CNTNAP2: variants seen among roughly 807,000 people sequenced by gnomAD.
The protein encoded by CNTNAP2 is contactin associated protein 2.
A neutral mutation model predicts 155.2 loss-of-function variants in CNTNAP2; 98 were observed. The observed-to-expected ratio is 0.63, with a 90% confidence interval of 0.54 to 0.75. The LOEUF (loss-of-function observed/expected upper bound fraction) is 0.75. Among genes scored for constraint, CNTNAP2 ranks in the 30% least tolerant of loss-of-function variants. The pLI is 0.00. For missense variants in CNTNAP2, 1,727 were observed against 1,688.1 expected (o/e 1.02, Z -0.40); for synonymous variants, 651 against 631.2 (o/e 1.03, Z -0.47).
chr7:147,425,538 A>G (rs186789597), intron 10 of CNTNAP2, among the ~76,000 whole-genome samples: 1 of 152,190 alleles, frequency 6.6e-6, no homozygotes, highest in African/African-American at 2.4e-5. Flanking sequence ...TCCCTGATCT[A>G]GCATCCAGCC....
chr7:147,648,609 CAA>C (rs1795404214), intron 13 of CNTNAP2, among the ~76,000 whole-genome samples: 1 of 152,148 alleles, frequency 6.6e-6, no homozygotes, highest in African/African-American at 2.4e-5. Flanking sequence ...TGGCGGCAGA[CAA>C]GAGAGCTTGC....
chr7:147,910,174 C>A (rs1252189432), intron 14 of CNTNAP2, among the ~76,000 whole-genome samples: 5 of 152,020 alleles, frequency 3.3e-5, no homozygotes, highest in Non-Finnish European at 7.4e-5. Flanking sequence ...AATTTTTTGT[C>A]CTTGTTTATA....
chr7:146,829,034 C>T (rs1803460882), intron 2 of CNTNAP2, among the ~76,000 whole-genome samples: 1 of 151,978 alleles, frequency 6.6e-6, no homozygotes, highest in Non-Finnish European at 1.5e-5. Context: ...TTTCATTTTT[C>T]TTGTCTCTTA....
chr7:146,736,674 T>G (rs2129180379), intron 1 of CNTNAP2, among the ~76,000 whole-genome samples: 1 of 152,304 alleles, frequency 6.6e-6, no homozygotes, highest in South Asian at 2.1e-4. Context: ...TCCCAGGAAA[T>G]ACTGAAGTGC....
intron 3 of CNTNAP2, among the ~76,000 whole-genome samples, chr7:146,858,461 A>G (rs1035435368): frequency 3.9e-5 from 6 of 152,374 alleles, no homozygotes; most frequent in Admixed American, 1.3e-4. Flanking sequence ...TGGGAGGCCA[A>G]GGCGAGAGGA....
At chr7:147,771,587 G>T (rs1250970453) in intron 13 of CNTNAP2, among the ~76,000 whole-genome samples, 2 of 152,142 alleles carry the variant, frequency 1.3e-5, no homozygotes, top group Non-Finnish European at 2.9e-5. Context: ...GGCCACAGGG[G>T]CATTGTACAT....
chr7:148,308,480 A>G (rs1005534174), intron 21 of CNTNAP2, among the ~76,000 whole-genome samples: 1 of 152,028 alleles, frequency 6.6e-6, no homozygotes, highest in Non-Finnish European at 1.5e-5. Flanking sequence ...TAAAAAGTAG[A>G]TCCAATTTTA....
intron 10 of CNTNAP2, among the ~76,000 whole-genome samples, chr7:147,426,367 C>A (rs1158376822): frequency 6.6e-6 from 1 of 151,912 alleles, no homozygotes; most frequent in Non-Finnish European, 1.5e-5. Flanking sequence ...TCATGGATAT[C>A]CAGAACATTT....
chr7:146,904,690 CTCGATCT>C (rs1453963470), intron 3 of CNTNAP2, among the ~76,000 whole-genome samples: 1 of 152,098 alleles, frequency 6.6e-6, no homozygotes, highest in African/African-American at 2.4e-5. Flanking sequence ...CCAGGATGGT[CTCGATCT>C]CCTGACCTCG....
At chr7:147,313,248 C>G (rs1046262135) in intron 9 of CNTNAP2, among the ~76,000 whole-genome samples, 7 of 152,060 alleles carry the variant, frequency 4.6e-5, no homozygotes, top group South Asian at 2.1e-4. Flanking sequence ...TTTTGCTGTG[C>G]AGAAGCTCTT....
intron 9 of CNTNAP2, among the ~76,000 whole-genome samples, chr7:147,381,313 C>A (rs192120803): frequency 5.6e-4 from 85 of 152,148 alleles, no homozygotes; most frequent in African/African-American, 2.0e-3. Flanking sequence ...TTCTGCAGCC[C>A]AAGCTTCCAA....
intron 13 of CNTNAP2, among the ~76,000 whole-genome samples, chr7:147,705,391 A>C (rs910616812): frequency 4.6e-5 from 7 of 152,022 alleles, no homozygotes; most frequent in African/African-American, 1.7e-4. Context: ...TTCTAGTTTT[A>C]TTCCATTGTG....
chr7:148,231,804 T>C (rs1795967012), intron 20 of CNTNAP2, among the ~76,000 whole-genome samples: 1 of 152,106 alleles, frequency 6.6e-6, no homozygotes, highest in South Asian at 2.1e-4. Flanking sequence ...AGACCCATAG[T>C]CCCTAATCAC....
intron 15 of CNTNAP2, among the ~76,000 whole-genome samples, chr7:148,090,991 T>A (rs1803829221): frequency 6.6e-6 from 1 of 152,084 alleles, no homozygotes; most frequent in Non-Finnish European, 1.5e-5. Context: ...TATCCTATGA[T>A]CCCACTTACA....
chr7:146,890,058 G>A (rs1310711992), intron 3 of CNTNAP2, among the ~76,000 whole-genome samples: 2 of 152,118 alleles, frequency 1.3e-5, no homozygotes, highest in Admixed American at 1.3e-4. Context: ...AACTGAGACA[G>A]AGATCCAAGC....
intron 16 of CNTNAP2, among the ~76,000 whole-genome samples, chr7:148,136,912 A>T (rs1170028447): frequency 6.6e-6 from 1 of 152,220 alleles, no homozygotes; most frequent in African/African-American, 2.4e-5. Context: ...CTATACAAGA[A>T]AGTTATATTT....
In CNTNAP2 at chr7:147,303,287, C is replaced by A. The variant is rs571519497; in HGVS notation, c.1498+2997C>A. Among the ~76,000 whole-genome samples, 534 of 152,284 alleles carry A rather than the reference C, an allele frequency of 3.5e-3. 1 individual carries two copies. Among genetic ancestry groups the A allele is most frequent in the Non-Finnish European group, 4.5e-3 (308 of 68,028 alleles). On this transcript the variant is annotated intron_variant, in intron 9 of 23. Coordinates refer to ENST00000361727, the MANE Select transcript of CNTNAP2 (RefSeq NM_014141.6). Reference sequence around the variant, plus strand: ...AGACCACTGATTTCACCAAAGAAAACCCAGTTTGGCATTCAGTTCATTAGA... The same window carrying A: ...AGACCACTGATTTCACCAAAGAAAAACCAGTTTGGCATTCAGTTCATTAGA...
intron 17 of CNTNAP2, among the ~76,000 whole-genome samples, chr7:148,155,901 A>G (rs2116665549): frequency 6.6e-6 from 1 of 152,240 alleles, no homozygotes; most frequent in East Asian, 1.9e-4. Flanking sequence ...GTGCGGTGAC[A>G]CTGGGTGCTC....
chr7:147,761,632 G>C (rs1413414207), intron 13 of CNTNAP2, among the ~76,000 whole-genome samples: 2 of 152,106 alleles, frequency 1.3e-5, no homozygotes, highest in Non-Finnish European at 2.9e-5. Context: ...TACTCGAGGA[G>C]GATATAACTT....
Sources: gnomAD v4.1 joint callset for allele counts (sites outside exome capture counted in the v4.1 genomes callset) on GRCh38, gnomAD v4.1.1 for gene constraint, MANE v1.5 for transcripts, NCBI Gene and HGNC (gene_info 2026-07-23, HGNC 2026-07-21) for gene names.